RELN: variants seen among roughly 807,000 people sequenced by gnomAD.
The protein encoded by RELN is reelin.
A neutral mutation model predicts 427.6 loss-of-function variants in RELN; 108 were observed. That is an observed-to-expected ratio of 0.25 (90% confidence interval 0.22 to 0.30). The LOEUF is 0.30. Ranked by LOEUF, RELN falls within the 10% of genes least tolerant of loss-of-function variation. The probability of loss-of-function intolerance (pLI) is 1.00; values close to 1 mark genes in which losing one functional copy is unlikely to be tolerated. For missense variants in RELN, 3,715 were observed against 4,302.8 expected, an observed-to-expected ratio of 0.86 and a Z score of 3.82; for synonymous variants, 1,524 against 1,513.4, an observed-to-expected ratio of 1.01 and a Z score of -0.16.
chr7:103,632,101 G>A (rs187937813), intron 19 of RELN, among the ~76,000 whole-genome samples: 23 of 152,252 alleles, frequency 1.5e-4, no homozygotes, highest in Admixed American at 1.4e-3. Flanking sequence ...ATGTGATATT[G>A]GTGACTGAAG....
chr7:103,784,208 G>T (rs1296341206), intron 3 of RELN, among the ~76,000 whole-genome samples: 2 of 152,138 alleles, frequency 1.3e-5, no homozygotes, highest in African/African-American at 4.8e-5. Context: ...TATGTATCAA[G>T]GAGGATCACC....
chr7:103,875,317 A>G (rs1794452741), intron 2 of RELN, among the ~76,000 whole-genome samples: 1 of 151,160 alleles, frequency 6.6e-6, no homozygotes, highest in Non-Finnish European at 1.5e-5. Context: ...TCATGTCCAA[A>G]ACACCAAAAG....
chr7:103,776,502 GGACC>G, intron 4 of RELN, 51 bp downstream of exon 4: 1 of 1,557,388 alleles, frequency 6.4e-7, no homozygotes, highest in Non-Finnish European at 8.9e-7. Context: ...ATAGAACACA[GGACC>G]TACCATGAAT....
At chr7:103,963,744 T>C (rs1406962336) in intron 1 of RELN, among the ~76,000 whole-genome samples, 1 of 152,212 alleles carries the variant, frequency 6.6e-6, no homozygotes, top group Non-Finnish European at 1.5e-5. Context: ...AAAAATAGCC[T>C]TGTTATGGGG....
At chr7:103,707,504 C>CT (rs543258102) in intron 8 of RELN, among the ~76,000 whole-genome samples, 11,737 of 143,322 alleles carry the variant, frequency 0.082, 945 homozygotes, top group African/African-American at 0.22. Flanking sequence ...TCTTTCTTTT[C>CT]TTTTTTTTTT....
intron 7 of RELN, 58 bp from the exon 8 acceptor site, chr7:103,723,249 G>T: frequency 2.0e-6 from 2 of 1,017,158 alleles, no homozygotes; most frequent in Non-Finnish European, 1.6e-6. Flanking sequence ...AGAGGAGAAA[G>T]ATGCTGGGAG....
chr7:103,948,229 G>A (rs980866424), intron 1 of RELN, among the ~76,000 whole-genome samples: 1 of 152,078 alleles, frequency 6.6e-6, no homozygotes, highest in African/African-American at 2.4e-5. Flanking sequence ...TAGATGCCTT[G>A]TACTACATTT....
At chr7:103,974,092 G>A (rs1430391230) in intron 1 of RELN, among the ~76,000 whole-genome samples, 2 of 152,176 alleles carry the variant, frequency 1.3e-5, no homozygotes, top group African/African-American at 4.8e-5. Flanking sequence ...GAGGTGAGCC[G>A]AGACGGTGCC....
chr7:103,901,055 C>T (rs1795072939), intron 2 of RELN, among the ~76,000 whole-genome samples: 1 of 151,998 alleles, frequency 6.6e-6, no homozygotes, highest in East Asian at 1.9e-4. Context: ...TACAACTCAA[C>T]AACAAAAAGA....
At chr7:103,476,828 A>G in intron 64 of RELN, 1 of 231,342 alleles carries the variant, frequency 4.3e-6, no homozygotes, top group South Asian at 4.9e-5. Context: ...TTTGTTTTTG[A>G]TACATTTTGA....
At chr7:103,713,160 T>C (rs139901658) in intron 8 of RELN, among the ~76,000 whole-genome samples, 1,884 of 152,290 alleles carry the variant, frequency 0.012, 25 homozygotes, top group Middle Eastern at 0.048. Context: ...CCATAAATAC[T>C]GAAGGCTTGA....
chr7:103,486,783 T>C (rs1828455539), intron 60 of RELN, among the ~76,000 whole-genome samples: 2 of 152,296 alleles, frequency 1.3e-5, no homozygotes, highest in African/African-American at 4.8e-5. Flanking sequence ...TGTGGAGAAA[T>C]AGGAACACTT....
At chr7:103,960,154 C>T (rs1394687414) in intron 1 of RELN, among the ~76,000 whole-genome samples, 1 of 152,172 alleles carries the variant, frequency 6.6e-6, no homozygotes, top group African/African-American at 2.4e-5. Context: ...TCAAAATGTT[C>T]CCTTTCACGC....
rs750008924 is a variant in RELN at position 103,831,249 on chromosome 7, C to T, written c.473+2288G>A. On this transcript the variant is annotated intron_variant, in intron 3 of 64. Transcript: ENST00000428762. Reference sequence around the variant, plus strand: ...ATGGCAAGAATTCGATTCATCCTTGCAAGTGCCAATATGAATAAGAGAAAG... The same window carrying T: ...ATGGCAAGAATTCGATTCATCCTTGTAAGTGCCAATATGAATAAGAGAAAG... Among the ~76,000 whole-genome samples the T allele has an allele frequency of 4.6e-5, 7 of 152,158 alleles. No homozygotes were observed. In the South Asian group the frequency reaches 6.2e-4, roughly 14 times the overall value.
rs184067418 is a variant in RELN at position 103,770,188 on chromosome 7, A to G, written c.544+6369T>C. Among the ~76,000 whole-genome samples the G allele has an allele frequency of 7.6e-3, 1,163 of 152,210 alleles. 12 individuals carry two copies. The highest frequency in any genetic ancestry group is 0.026 in the African/African-American group (1,076 of 41,534). Reference sequence around the variant, plus strand: ...CTACCCCCACCTCCTGGGTTCAAGCAATTCTCCTGCCTCAGCGTCCTGAAT... The same window carrying G: ...CTACCCCCACCTCCTGGGTTCAAGCGATTCTCCTGCCTCAGCGTCCTGAAT... On this transcript the variant is annotated intron_variant, in intron 4 of 64. Transcript: ENST00000428762.
At chr7:103,701,830 A>C (rs889805750) in intron 8 of RELN, among the ~76,000 whole-genome samples, 1 of 145,052 alleles carries the variant, frequency 6.9e-6, no homozygotes, top group African/African-American at 2.5e-5. Flanking sequence ...GAACCAAAAC[A>C]AAAAAAAATA....
chr7:103,738,946 G>A (rs1311682110), intron 6 of RELN, among the ~76,000 whole-genome samples: 1 of 152,014 alleles, frequency 6.6e-6, no homozygotes, highest in Non-Finnish European at 1.5e-5. Context: ...CTCCTAAAGT[G>A]TTCAGATTAC....
intron 1 of RELN, among the ~76,000 whole-genome samples, chr7:103,966,255 G>A (rs1354519616): frequency 7.2e-6 from 1 of 138,770 alleles, no homozygotes; most frequent in Non-Finnish European, 1.6e-5. Flanking sequence ...TGGCCAGAGT[G>A]TCTCCCAGCA....
intron 1 of RELN, among the ~76,000 whole-genome samples, chr7:103,972,857 T>C (rs1048368593): frequency 7.3e-5 from 11 of 151,674 alleles, no homozygotes; most frequent in Admixed American, 3.3e-4. Context: ...AAGAGATAGA[T>C]GCTTCACACA....
Sources: gnomAD v4.1 joint callset for allele counts (sites outside exome capture counted in the v4.1 genomes callset) on GRCh38, gnomAD v4.1.1 for gene constraint, MANE v1.5 for transcripts, NCBI Gene and HGNC (gene_info 2026-07-23, HGNC 2026-07-21) for gene names.